Variants in CSMD3 observed in about 807,000 individuals in gnomAD.
CSMD3 encodes CUB and Sushi multiple domains 3.
In CSMD3, 177 loss-of-function variants were observed where a neutral mutation model predicts 435.2. That is an observed-to-expected ratio of 0.41 (90% CI 0.36 to 0.46). The LOEUF (loss-of-function observed/expected upper bound fraction) is 0.46. Among genes scored for constraint, CSMD3 ranks in the 20% least tolerant of loss-of-function variants. The pLI is 0.34. For synonymous variants in CSMD3, 1,656 were observed against 1,520.5 expected (o/e 1.09, Z -2.07); for missense variants, 4,265 against 4,504.6 (o/e 0.95, Z 1.52).
chr8:113,126,307 A>G (rs2091125746), intron 4 of CSMD3, among the ~76,000 whole-genome samples: 1 of 151,968 alleles, frequency 6.6e-6, no homozygotes, highest in South Asian at 2.1e-4. Flanking sequence ...AGGAAAAACT[A>G]CAGACTTTTT....
intron 13 of CSMD3, among the ~76,000 whole-genome samples, chr8:112,721,262 G>A (rs1463803546): frequency 1.3e-5 from 2 of 152,112 alleles, no homozygotes; most frequent in Admixed American, 6.6e-5. Context: ...TTTGACCTCA[G>A]TAACAATCAC....
chr8:113,408,461 A>C (rs984907871), intron 1 of CSMD3, among the ~76,000 whole-genome samples: 70 of 152,300 alleles, frequency 4.6e-4, no homozygotes, highest in African/African-American at 1.6e-3. Flanking sequence ...AAAGAGACTA[A>C]GGACGTTTTT....
At chr8:112,294,759 G>C (rs552961918) in intron 54 of CSMD3, among the ~76,000 whole-genome samples, 52 of 152,092 alleles carry the variant, frequency 3.4e-4, no homozygotes, top group South Asian at 8.3e-4. Flanking sequence ...CAACCTAAAA[G>C]ATCACATGGA....
At position 112,706,652 on chromosome 8, in the gene CSMD3, C is replaced by T. The variant is rs114250690; in HGVS notation, c.1973-16602G>A. ...GATGCAGGGAGGGTTAGGTAAGACA[C>T]GAGACTAGAGAGATGTGGGGCTACC... On this transcript the variant is annotated intron_variant, in intron 13 of 70. Coordinates refer to ENST00000297405, the MANE Select transcript of CSMD3 (RefSeq NM_198123.2). 9.5e-3 allele frequency among the ~76,000 whole-genome samples: 1,445 copies of T among 152,020 alleles called. 20 individuals are homozygous for T. The highest frequency in any genetic ancestry group is 0.033 in the African/African-American group (1,365 of 41,496).
At chr8:112,497,377 CATAA>C (rs60794651) in intron 30 of CSMD3, among the ~76,000 whole-genome samples, 2,634 of 151,802 alleles carry the variant, frequency 0.017, 76 homozygotes, top group African/African-American at 0.06. Flanking sequence ...ATGTTTGTAA[CATAA>C]ATAAATGATA....
At chr8:112,369,227 A>G (rs58708161) in intron 38 of CSMD3, among the ~76,000 whole-genome samples, 4,978 of 152,182 alleles carry the variant, frequency 0.033, 274 homozygotes, top group African/African-American at 0.11. Context: ...AAGGAAAAAT[A>G]TATGAAAACA....
At chr8:113,050,434 A>T (rs1035851182) in intron 5 of CSMD3, among the ~76,000 whole-genome samples, 3 of 152,208 alleles carry the variant, frequency 2.0e-5, no homozygotes, top group African/African-American at 7.2e-5. Flanking sequence ...ATGATTGGTG[A>T]TCTGATTTAT....
chr8:113,179,690 A>G (rs1420797482), intron 3 of CSMD3, among the ~76,000 whole-genome samples: 1 of 151,868 alleles, frequency 6.6e-6, no homozygotes, highest in Non-Finnish European at 1.5e-5. Context: ...TAATTTTCAA[A>G]AGGAAAATAA....
chr8:113,217,104 G>A (rs2092914278), intron 3 of CSMD3, among the ~76,000 whole-genome samples: 1 of 151,470 alleles, frequency 6.6e-6, no homozygotes, highest in Non-Finnish European at 1.5e-5. Context: ...TTAAAAGTCA[G>A]AACCAAGCCA....
chr8:113,010,726 C>T (rs2086227242), intron 6 of CSMD3, among the ~76,000 whole-genome samples: 1 of 151,346 alleles, frequency 6.6e-6, no homozygotes, highest in African/African-American at 2.4e-5. Context: ...ACAAACAAAC[C>T]CATATTTACA....
intron 5 of CSMD3, among the ~76,000 whole-genome samples, chr8:113,037,832 A>C (rs2087426802): frequency 6.6e-6 from 1 of 152,208 alleles, no homozygotes; most frequent in Non-Finnish European, 1.5e-5. Flanking sequence ...TATTTTCTTA[A>C]TTCTCCAGTC....
chr8:113,422,492 T>A (rs1280253129), intron 1 of CSMD3, among the ~76,000 whole-genome samples: 3 of 152,178 alleles, frequency 2.0e-5, no homozygotes, highest in African/African-American at 7.2e-5. Context: ...TATTCCTCTG[T>A]AAGTCTGAAA....
chr8:112,690,357 A>G (rs1472689212), intron 13 of CSMD3, among the ~76,000 whole-genome samples: 2 of 152,122 alleles, frequency 1.3e-5, no homozygotes, highest in Middle Eastern at 3.4e-3. Flanking sequence ...TCTGTACTAC[A>G]TATATACATA....
intron 32 of CSMD3, among the ~76,000 whole-genome samples, chr8:112,433,756 C>T (rs1031811606): frequency 6.6e-6 from 1 of 150,828 alleles, no homozygotes; most frequent in Admixed American, 6.6e-5. Flanking sequence ...GTTTGCTTTA[C>T]AAATGACTAC....
rs188712984 is a variant in CSMD3 at position 112,774,604 on chromosome 8, C to A, written c.1972+25558G>T. Among the ~76,000 whole-genome samples, 546 of 152,076 alleles carry A rather than the reference C, an allele frequency of 3.6e-3. 1 individual carries two copies. The highest frequency in any genetic ancestry group is 0.012 in the African/African-American group (516 of 41,512). On this transcript the variant is annotated intron_variant, in intron 13 of 70. Transcript: ENST00000297405. ...ATGTCATAGCAGCTGTTCACCCAGT[C>A]ACTAAAGAAGAAAGCTGTATGTTAT...
chr8:112,492,338 C>A, intron 31 of CSMD3, 151 bp downstream of exon 31: 1 of 697,024 alleles, frequency 1.4e-6, no homozygotes, highest in East Asian at 2.7e-5. Flanking sequence ...TTGAATTCAA[C>A]TTTAAAATGT....
chr8:112,393,753 A>C (rs1830635867), intron 35 of CSMD3, among the ~76,000 whole-genome samples: 1 of 152,128 alleles, frequency 6.6e-6, no homozygotes, highest in Non-Finnish European at 1.5e-5. Flanking sequence ...ATCAATCCTT[A>C]ACTTGCATTT....
chr8:113,064,814 A>G (rs2088783352), intron 5 of CSMD3, among the ~76,000 whole-genome samples: 1 of 152,156 alleles, frequency 6.6e-6, no homozygotes, highest in Admixed American at 6.5e-5. Flanking sequence ...GACAGGGCTT[A>G]GCAGTACATC....
chr8:113,156,732 C>CTAAATAAATAAATAAA lies in CSMD3; in HGVS notation c.709+16974_709+16989dup, dbSNP rs34302914. On this transcript the variant is annotated intron_variant, in intron 4 of 70. Transcript: ENST00000297405. ...CTTGGGAAACATGGCAAAATCTCAC[C>CTAAATAAATAAATAAA]TAAATAAATAAATAAATAAATAAAT... is the stretch of plus-strand genomic sequence containing the variant. Among the ~76,000 whole-genome samples, 154 of 105,752 alleles carry CTAAATAAATAAATAAA rather than the reference C, an allele frequency of 1.5e-3. 1 individual carries two copies. The highest frequency in any genetic ancestry group is 2.4e-3 in the Admixed American group (19 of 8,000). The allele number at this position is 105,752 out of a possible 152,430, so 69.4% of individuals were successfully genotyped here.
Sources: allele counts gnomAD v4.1 joint callset (sites outside exome capture counted in the v4.1 genomes callset), GRCh38; gene constraint gnomAD v4.1.1; transcripts MANE v1.5; gene names NCBI Gene and HGNC (gene_info 2026-07-23, HGNC 2026-07-21).